Variants in WDFY2 observed in about 807,000 individuals in gnomAD.
WDFY2 encodes WD repeat and FYVE domain containing 2.
A neutral mutation model predicts 56.4 loss-of-function variants in WDFY2; 36 were observed. The ratio of observed to expected loss-of-function variants is 0.64; its 90% CI spans 0.49 to 0.84. The LOEUF (loss-of-function observed/expected upper bound fraction) is 0.84. Ranked by LOEUF, WDFY2 falls within the 40% of genes least tolerant of loss-of-function variation. The pLI is 0.00. For missense variants in WDFY2, 444 were observed against 512.2 expected (o/e 0.87, Z 1.29); for synonymous variants, 176 against 183.7 (o/e 0.96, Z 0.34).
chr13:51,732,894 CAGT>C (rs1952754448), intron 6 of WDFY2, among the ~76,000 whole-genome samples: 1 of 152,154 alleles, frequency 6.6e-6, no homozygotes. Flanking sequence ...TGCATTAGAC[CAGT>C]AGTTACAGAG....
At chr13:51,696,889 G>GT (rs1374689240) in intron 3 of WDFY2, among the ~76,000 whole-genome samples, 1 of 152,110 alleles carries the variant, frequency 6.6e-6, no homozygotes, top group African/African-American at 2.4e-5. Flanking sequence ...CTTAAATACA[G>GT]TTTTTTAAAA....
intron 1 of WDFY2, among the ~76,000 whole-genome samples, chr13:51,594,693 T>C (rs1954112483): frequency 6.6e-6 from 1 of 152,230 alleles, no homozygotes; most frequent in African/African-American, 2.4e-5. Context: ...GAATCAGATA[T>C]TGGCTCTTTC....
At chr13:51,740,490 C>T (rs936885655) in intron 7 of WDFY2, among the ~76,000 whole-genome samples, 2 of 152,002 alleles carry the variant, frequency 1.3e-5, no homozygotes, top group Non-Finnish European at 2.9e-5. Context: ...CCGAGGCGGG[C>T]GGATCACAAG....
In WDFY2 at chr13:51,761,849, AC is replaced by A. The variant is rs1012075764; in HGVS notation, c.*2082del. 1.2e-4 allele frequency: 19 copies of A among 152,240 alleles called. No individual in the cohort carries two copies. The highest frequency in any genetic ancestry group is 4.6e-4 in the African/African-American group (19 of 41,522). The allele number at this position is 152,240 out of a possible 1,614,324, so 9.4% of individuals were successfully genotyped here. A position where few individuals can be genotyped will look rare whatever the true frequency, so the allele number is the denominator to read the frequency against. On this transcript the variant is annotated 3_prime_UTR_variant, in exon 12 of 12. Coordinates refer to ENST00000298125, the MANE Select transcript of WDFY2 (RefSeq NM_052950.4). ...CCATCAGACCGGCTCAGCCCATGTG[AC>A]CGGAGCTCTGAAGAGGCACACACGC...
intron 4 of WDFY2, among the ~76,000 whole-genome samples, chr13:51,711,612 C>T (rs1593439722): frequency 1.3e-5 from 2 of 152,240 alleles, no homozygotes; most frequent in Middle Eastern, 6.8e-3. Flanking sequence ...CAAACAACCC[C>T]ATCAAAAAGT....
At chr13:51,739,881 C>T (rs1019948199) in intron 7 of WDFY2, among the ~76,000 whole-genome samples, 4 of 152,202 alleles carry the variant, frequency 2.6e-5, no homozygotes, top group Admixed American at 1.3e-4. Context: ...CACCCTGAGA[C>T]GCCTTGCTGT....
chr13:51,688,718 A>G lies in WDFY2; in HGVS notation c.279+13475A>G, dbSNP rs138018695. ...GAGAAACAGTAATTGTCAGCCTCAT[A>G]ACCATTAGGCTAAATATTATGATGT... On this transcript the variant is annotated intron_variant, in intron 3 of 11. Coordinates refer to ENST00000298125, the MANE Select transcript of WDFY2 (RefSeq NM_052950.4). Among the ~76,000 whole-genome samples the G allele has an allele frequency of 1.2e-3, 183 of 152,320 alleles. 1 individual carries two copies. The highest frequency in any genetic ancestry group is 3.4e-3 in the Middle Eastern group (1 of 294).
At chr13:51,671,357 C>T (rs1321324410) in intron 2 of WDFY2, among the ~76,000 whole-genome samples, 1 of 152,156 alleles carries the variant, frequency 6.6e-6, no homozygotes, top group African/African-American at 2.4e-5. Flanking sequence ...TCCCTTTTCG[C>T]CACATCCATG....
intron 3 of WDFY2, among the ~76,000 whole-genome samples, chr13:51,689,481 C>T (rs996646517): frequency 6.6e-6 from 1 of 152,154 alleles, no homozygotes; most frequent in Non-Finnish European, 1.5e-5. Context: ...GCTGTGGTTG[C>T]ACAAACCCCA....
intron 3 of WDFY2, among the ~76,000 whole-genome samples, chr13:51,679,301 G>C (rs1291406622): frequency 6.6e-6 from 1 of 152,146 alleles, no homozygotes; most frequent in African/African-American, 2.4e-5. Flanking sequence ...ATAGGGTGGA[G>C]AGAGATATAT....
intron 1 of WDFY2, among the ~76,000 whole-genome samples, chr13:51,657,168 C>T (rs1215232582): frequency 6.6e-6 from 1 of 151,830 alleles, no homozygotes; most frequent in Non-Finnish European, 1.5e-5. Flanking sequence ...GAATTGATAT[C>T]AATTTATTTT....
rs35409673 is a variant in WDFY2 at position 51,758,193 on chromosome 13, C to T, written c.1066C>T (p.Arg356Cys). Residue 356 changes from arginine (R) to cysteine (C), a missense_variant and splice_region_variant, in exon 11 of 12, where the codon CGT (arginine) becomes TGT (cysteine). By Grantham distance (180) the Arg-to-Cys change is radical. Transcript: ENST00000298125. ...AGAAGCTTTCTTTGCTCCTTCTAGA[C>T]GTGCACCCACAGCCACCTTCCATGA... ...SCHEAITDEE[R>C]APTATFHDSK... The T allele has an allele frequency of 0.017, 26,613 of 1,569,488 alleles. 497 individuals are homozygous for T. Among genetic ancestry groups the T allele is most frequent in the Admixed American group, 0.079 (4,714 of 59,616 alleles).
chr13:51,735,477 AC>A (rs1206891831), intron 6 of WDFY2, among the ~76,000 whole-genome samples: 3 of 152,190 alleles, frequency 2.0e-5, no homozygotes, highest in African/African-American at 7.2e-5. Context: ...AGAAAAAGTT[AC>A]TTGGGTGATA....
chr13:51,720,340 T>A (rs1000845717), intron 5 of WDFY2, among the ~76,000 whole-genome samples: 1 of 152,166 alleles, frequency 6.6e-6, no homozygotes, highest in East Asian at 1.9e-4. Context: ...AAACTTAGAA[T>A]GACCATTGTG....
chr13:51,622,526 C>G (rs1954752073), intron 1 of WDFY2, among the ~76,000 whole-genome samples: 1 of 152,214 alleles, frequency 6.6e-6, no homozygotes, highest in African/African-American at 2.4e-5. Context: ...ATCTCAGATA[C>G]AGCTGAAGCA....
At chr13:51,745,973 CTTTTTTTTTT>C (rs59572351) in intron 7 of WDFY2, among the ~76,000 whole-genome samples, 18 of 100,762 alleles carry the variant, frequency 1.8e-4, no homozygotes, top group African/African-American at 7.1e-4. Context: ...TTTTCTTTTT[CTTTTTTTTTT>C]TTTTTTTTTT....
intron 1 of WDFY2, among the ~76,000 whole-genome samples, chr13:51,595,812 T>G (rs771129131): frequency 6.6e-6 from 1 of 152,190 alleles, no homozygotes; most frequent in East Asian, 1.9e-4. Flanking sequence ...CAGATGCTGA[T>G]GTACCCAGTA....
At chr13:51,695,665 G>T (rs1403642249) in intron 3 of WDFY2, among the ~76,000 whole-genome samples, 2 of 152,236 alleles carry the variant, frequency 1.3e-5, no homozygotes, top group Non-Finnish European at 2.9e-5. Flanking sequence ...CAGTCTGCCT[G>T]TTCTCAGATC....
In WDFY2 at chr13:51,584,678, C is replaced by G. The variant is rs368989479; in HGVS notation, c.-10C>G. 6.2e-7 allele frequency: 1 copy of G among 1,609,082 alleles called. No homozygotes were observed. The highest frequency in any genetic ancestry group is 1.3e-5 in the African/African-American group (1 of 74,848). On this transcript the variant is annotated 5_prime_UTR_variant, in exon 1 of 12. Coordinates refer to ENST00000298125, the MANE Select transcript of WDFY2 (RefSeq NM_052950.4). ...TTGGCGGCGGCGCCCCAGGCGCGCC[C>G]CCTCCTCCGATGGCGGCGGAGATCC...
Sources: allele counts gnomAD v4.1 joint callset (sites outside exome capture counted in the v4.1 genomes callset), GRCh38; gene constraint gnomAD v4.1.1; transcripts MANE v1.5; gene names NCBI Gene and HGNC (gene_info 2026-07-23, HGNC 2026-07-21).